Variants in SLC9A5 observed in about 807,000 individuals in gnomAD.
SLC9A5 encodes the protein solute carrier family 9 member A5.
A neutral mutation model predicts 91.7 loss-of-function variants in SLC9A5; 52 were observed. That is an observed-to-expected ratio of 0.57 (90% CI 0.45 to 0.71). The LOEUF is 0.71. Ranked by LOEUF, SLC9A5 falls within the 30% of genes least tolerant of loss-of-function variation. The probability of loss-of-function intolerance (pLI) is 0.00; values close to 1 mark genes in which losing one functional copy is unlikely to be tolerated. For synonymous variants in SLC9A5, 419 were observed against 474.5 expected, an observed-to-expected ratio of 0.88 and a Z score of 1.52; for missense variants, 871 against 1,158.9, an observed-to-expected ratio of 0.75 and a Z score of 3.61.
chr16:67,266,201 G>A lies in SLC9A5; in HGVS notation c.2194G>A (p.Val732Ile), dbSNP rs760420354. Reference sequence around the variant, plus strand: ...CTTTGTGGCTCGTGCCACCAGTGAGGTTCTCCAAGAGGGCAAGGTCTCAGG... The same window carrying A: ...CTTTGTGGCTCGTGCCACCAGTGAGATTCTCCAAGAGGGCAAGGTCTCAGG... Reference protein sequence around the residue: ...IIFVARATSEVLQEGKVSGSL... With the variant: ...IIFVARATSEILQEGKVSGSL... The change falls in exon 15 of 16, where the codon GTT becomes ATT. Residue 732 changes from valine (V) to isoleucine (I), a missense_variant. Val to Ile is a conservative substitution (Grantham distance 29, BLOSUM62 3). Coordinates refer to ENST00000299798, the MANE Select transcript of SLC9A5 (RefSeq NM_004594.3). The A allele has an allele frequency of 2.7e-5, 44 of 1,607,060 alleles. 1 individual carries two copies. In the South Asian group the frequency reaches 4.6e-4, roughly 17 times the overall value.
At chr16:67,250,249 T>C (rs1475838485) in intron 1 of SLC9A5, among the ~76,000 whole-genome samples, 4 of 152,016 alleles carry the variant, frequency 2.6e-5, no homozygotes, top group Non-Finnish European at 4.4e-5. Flanking sequence ...TAATGGAAAG[T>C]GGAACTCAAT....
Position 67,264,516 on chromosome 16 carries a change from C to G in SLC9A5, c.2007C>G (p.Arg669=). 6.2e-7 allele frequency: 1 copy of G among 1,614,148 alleles called. No individual in the cohort carries two copies. Among genetic ancestry groups the G allele is most frequent in the Middle Eastern group, 1.6e-4 (1 of 6,062 alleles). The stretch of plus-strand genomic sequence containing the variant: ...AGCCACGACCCCGCAAGACTGGCCG[C>G]AGGAAGGCATGTCTTCCCTCAGGGA... ...KSKPRPRKTG[R]RKKDGVANAE... is the part of the protein sequence containing the mutation. The change falls in exon 13 of 16, where the codon CGC becomes CGG. Residue 669 remains arginine, a synonymous_variant. Coordinates refer to ENST00000299798, the MANE Select transcript of SLC9A5 (RefSeq NM_004594.3).
chr16:67,268,687 TATATATATATATATATATA>T (rs2035813239), intron 15 of SLC9A5, among the ~76,000 whole-genome samples: 2 of 77,518 alleles, frequency 2.6e-5, no homozygotes, highest in African/African-American at 1.6e-4. Context: ...TATATATATA[TATATATATATATATATATA>T]TATATTTTTA....
chr16:67,260,955 G>A (rs1287240680), intron 12 of SLC9A5, among the ~76,000 whole-genome samples: 1 of 152,178 alleles, frequency 6.6e-6, no homozygotes, highest in Non-Finnish European at 1.5e-5. Flanking sequence ...AACAGAATTG[G>A]CCTCCTTTAA....
intron 15 of SLC9A5, among the ~76,000 whole-genome samples, chr16:67,268,696 A>G (rs1457130804): frequency 1.2e-5 from 1 of 86,520 alleles, no homozygotes; most frequent in Non-Finnish European, 2.2e-5. Context: ...ATATATATAT[A>G]TATATATATA....
At position 67,258,180 on chromosome 16, in the gene SLC9A5, C is replaced by A; in HGVS notation, c.1497-138C>A. 1.3e-6 allele frequency: 1 copy of A among 767,122 alleles called. No individual in the cohort carries two copies. The highest frequency in any genetic ancestry group is 2.1e-6 in the Non-Finnish European group (1 of 468,486). The allele number at this position is 767,122 out of a possible 1,614,324, so 47.5% of individuals were successfully genotyped here. A position where few individuals can be genotyped will look rare whatever the true frequency, so the allele number is the denominator to read the frequency against. ...TAAATTCCATGAGGGCAGGGACTAGCCTTGAGATTCTCTCTGGCTGAGGCC... is the reference window on the plus strand; with the variant it reads ...TAAATTCCATGAGGGCAGGGACTAGACTTGAGATTCTCTCTGGCTGAGGCC... On this transcript the variant is annotated intron_variant, in intron 9 of 15. Transcript: ENST00000299798. This position sits in a 1 kb window ranked among gnomAD's most constrained non-coding sequence, Gnocchi z 4.5.
chr16:67,255,381 C>G lies in SLC9A5; in HGVS notation c.655-12C>G. 6.2e-7 allele frequency: 1 copy of G among 1,606,862 alleles called. No individual in the cohort carries two copies. Among genetic ancestry groups the G allele is most frequent in the Middle Eastern group, 1.7e-4 (1 of 6,038 alleles). On this transcript the variant is annotated splice_polypyrimidine_tract_variant and intron_variant, in intron 3 of 15. Coordinates refer to ENST00000299798, the MANE Select transcript of SLC9A5 (RefSeq NM_004594.3). The surrounding 1 kb of genome is among the most constrained non-coding windows in gnomAD (Gnocchi z 4.9). ...TTCCCGCCTCACTGCTGACTCTCCT[C>G]TTCTCGCTCAGGTGCTGTACAAGGT... is the stretch of plus-strand genomic sequence containing the variant.
chr16:67,255,748 C>A lies in SLC9A5; in HGVS notation c.734-5C>A. On this transcript the variant is annotated splice_region_variant and splice_polypyrimidine_tract_variant and intron_variant, in intron 4 of 15. Transcript: ENST00000299798. This position sits in a 1 kb window ranked among gnomAD's most constrained non-coding sequence, Gnocchi z 4.9. Reference sequence around the variant, plus strand: ...GGTCATGCTGACAACCCACTCCTCCCCCAGCCTCCCTGTTTGTGGTCAGTC... The same window carrying A: ...GGTCATGCTGACAACCCACTCCTCCACCAGCCTCCCTGTTTGTGGTCAGTC... 2 of 1,561,006 alleles carry A rather than the reference C, an allele frequency of 1.3e-6. No homozygotes were observed. The highest frequency in any genetic ancestry group is 2.4e-5 in the East Asian group (1 of 42,392).
intron 1 of SLC9A5, among the ~76,000 whole-genome samples, chr16:67,250,741 GC>G (rs1288841897): frequency 2.0e-5 from 3 of 152,142 alleles, no homozygotes; most frequent in Non-Finnish European, 4.4e-5. Context: ...CTCACTATGT[GC>G]CAGGCACTGT....
intron 13 of SLC9A5, 102 bp downstream of exon 13, chr16:67,264,624 G>A: frequency 8.3e-7 from 1 of 1,210,022 alleles, no homozygotes; most frequent in South Asian, 1.3e-5. Context: ...ACCCCAGTTG[G>A]GACAGTCCTC....
rs1311465376 is a variant in SLC9A5 at position 67,268,369 on chromosome 16, CA to C, written c.2218+2146del. On this transcript the variant is annotated intron_variant, in intron 15 of 15. Transcript: ENST00000299798. ...TGAGTTAGGATCTCTCTTTGACACC[CA>C]AGCAAGAGTGCAGTGGCCGGATCAT... 3.4e-5 allele frequency among the ~76,000 whole-genome samples: 5 copies of C among 147,440 alleles called. No individual in the cohort carries two copies. In the East Asian group the frequency reaches 1.0e-3, roughly 30 times the overall value.
Position 67,257,477 on chromosome 16 carries a change from T to G in SLC9A5, c.1425+43T>G. 1.2e-6 allele frequency: 2 copies of G among 1,613,188 alleles called. No individual in the cohort carries two copies. The highest frequency in any genetic ancestry group is 8.5e-7 in the Non-Finnish European group (1 of 1,179,240). On this transcript the variant is annotated intron_variant, in intron 8 of 15. Coordinates refer to ENST00000299798, the MANE Select transcript of SLC9A5 (RefSeq NM_004594.3). This position sits in a 1 kb window ranked among gnomAD's most constrained non-coding sequence, Gnocchi z 5.1. ...AGCCCTCGCCTGTCCCTCTCGACCT[T>G]CTCCTATTTTGGGCAGAGTCCTGAT...
chr16:67,254,957 G>T, intron 2 of SLC9A5, 64 bp from the exon 3 acceptor site: 1 of 1,532,770 alleles, frequency 6.5e-7, no homozygotes. Flanking sequence ...CTTGTTCCAG[G>T]GCGTGCTCCA....
At position 67,249,187 on chromosome 16, in the gene SLC9A5, G is replaced by C. The variant is rs942316545; in HGVS notation, c.173G>C (p.Ser58Thr). The change falls in exon 1 of 16, where the codon AGT becomes ACT. Residue 58 changes from serine (S) to threonine (T), a missense_variant. Physicochemically the swap from Ser to Thr is moderately conservative, Grantham distance 58. This residue lies in a region of SLC9A5 where 122 missense variants were observed against 114.5 expected (regional missense o/e 1.07). Transcript: ENST00000299798. ...GTGGCCCTGTGGATCCTGGTGGCCA[G>C]TCTGGCCAAAATCGGTGAGTGCGTG... ...YLVALWILVA[S>T]LAKIVFHLSR... 5.9e-5 allele frequency: 91 copies of C among 1,536,020 alleles called. No homozygotes were observed. Among genetic ancestry groups the C allele is most frequent in the Non-Finnish European group, 7.6e-5 (87 of 1,147,556 alleles).
At chr16:67,266,320 A>G in intron 15 of SLC9A5, 95 bp downstream of exon 15, 2 of 1,248,374 alleles carry the variant, frequency 1.6e-6, no homozygotes, top group South Asian at 1.7e-5. Context: ...CCCTTTTCCT[A>G]TTCACTAGTT....
rs1567420902 is a variant in SLC9A5, at chr16:67,268,194, T to C, written c.2218+1969T>C. ...GCCCAGCCTTTTTTTTTTTTTTTTTTCTGGTAGAGATGAGGCCTTGTTATG... is the reference window on the plus strand; with the variant it reads ...GCCCAGCCTTTTTTTTTTTTTTTTTCCTGGTAGAGATGAGGCCTTGTTATG... On this transcript the variant is annotated intron_variant, in intron 15 of 15. Coordinates refer to ENST00000299798, the MANE Select transcript of SLC9A5 (RefSeq NM_004594.3). Among the ~76,000 whole-genome samples the C allele has an allele frequency of 4.0e-5, 6 of 149,556 alleles. No homozygotes were observed. In the South Asian group the frequency reaches 1.3e-3, roughly 32 times the overall value.
chr16:67,249,655 G>C (rs2035036887), intron 1 of SLC9A5, among the ~76,000 whole-genome samples: 1 of 152,252 alleles, frequency 6.6e-6, no homozygotes, highest in Non-Finnish European at 1.5e-5. Flanking sequence ...GACCATGTCC[G>C]AGTGTCCATT....
At position 67,255,518 on chromosome 16, in the gene SLC9A5, T is replaced by C. The variant is rs2035281417; in HGVS notation, c.733+47T>C. The C allele has an allele frequency of 1.3e-6, 2 of 1,589,262 alleles. No individual in the cohort carries two copies. The highest frequency in any genetic ancestry group is 1.7e-6 in the Non-Finnish European group (2 of 1,157,800). ...GCTGGCATTGGAGGTCTGCCTCCCC[T>C]GGGTTGCTGAGGCCCTCCCACCCCG... On this transcript the variant is annotated intron_variant, in intron 4 of 15. Coordinates refer to ENST00000299798, the MANE Select transcript of SLC9A5 (RefSeq NM_004594.3). The surrounding 1 kb of genome is among the most constrained non-coding windows in gnomAD (Gnocchi z 4.9).
In SLC9A5 at chr16:67,272,136, C is replaced by A. The variant is rs2035943412; in HGVS notation, c.*926C>A. ...GCAGGTGACTTTCTAGGGATCAGCA[C>A]CTGCCCTGTGTTTTGTACCTTGAAC... On this transcript the variant is annotated 3_prime_UTR_variant, in exon 16 of 16. Coordinates refer to ENST00000299798, the MANE Select transcript of SLC9A5 (RefSeq NM_004594.3). 2 of 152,336 alleles carry A rather than the reference C, an allele frequency of 1.3e-5. No individual in the cohort carries two copies. 9.4% of individuals were successfully genotyped at this position (152,336 alleles called of 1,614,324 possible).
Sources: allele counts gnomAD v4.1 joint callset (sites outside exome capture counted in the v4.1 genomes callset), GRCh38; gene constraint gnomAD v4.1.1; regional missense constraint gnomAD v4.1.1; non-coding constraint Gnocchi (gnomAD v3.1); transcripts MANE v1.5; gene names NCBI Gene and HGNC (gene_info 2026-07-23, HGNC 2026-07-21).